STK32B: variants seen among roughly 807,000 people sequenced by gnomAD.
STK32B encodes serine/threonine-protein kinase 32B.
Under a neutral mutation model 52.6 loss-of-function variants are expected in STK32B, and 43 were observed. The observed-to-expected ratio is 0.82, with a 90% CI of 0.64 to 1.05. The LOEUF is 1.05. STK32B is among the 50% of genes least tolerant of loss of function. STK32B has a pLI of 0.00. For missense variants in STK32B, 621 were observed against 534.6 expected (o/e 1.16, Z -1.59); for synonymous variants, 238 against 204.3 (o/e 1.17, Z -1.41).
intron 4 of STK32B, among the ~76,000 whole-genome samples, chr4:5,342,925 T>TTCCTAGAAC (rs1172968034): frequency 6.6e-6 from 1 of 152,224 alleles, no homozygotes; most frequent in Non-Finnish European, 1.5e-5. Flanking sequence ...CCTGAACTGC[T>TTCCTAGAAC]TCCTAGAACT....
intron 11 of STK32B, among the ~76,000 whole-genome samples, chr4:5,487,761 G>A (rs1214443573): frequency 1.6e-4 from 24 of 152,198 alleles, no homozygotes; most frequent in South Asian, 2.1e-4. Flanking sequence ...ATGGAGTCTC[G>A]TTCTGACACC....
At chr4:5,356,050 A>T (rs187907019) in intron 4 of STK32B, among the ~76,000 whole-genome samples, 34 of 152,262 alleles carry the variant, frequency 2.2e-4, no homozygotes, top group Non-Finnish European at 4.4e-4. Flanking sequence ...TTCCATGTCA[A>T]GCACTGAGCA....
chr4:5,353,252 T>C (rs1019885687), intron 4 of STK32B, among the ~76,000 whole-genome samples: 3 of 151,936 alleles, frequency 2.0e-5, no homozygotes, highest in Non-Finnish European at 2.9e-5. Flanking sequence ...AAAAAACAAC[T>C]CAAGGTGGAT....
intron 6 of STK32B, among the ~76,000 whole-genome samples, chr4:5,435,547 C>T (rs1308565508): frequency 6.6e-6 from 1 of 152,218 alleles, no homozygotes; most frequent in African/African-American, 2.4e-5. Flanking sequence ...AGAGCAGATG[C>T]TCCTTAAAGA....
chr4:5,052,327 T>A (rs923647933), intron 1 of STK32B, among the ~76,000 whole-genome samples: 3 of 152,006 alleles, frequency 2.0e-5, no homozygotes, highest in African/African-American at 4.8e-5. Flanking sequence ...ACCGTGTGTC[T>A]GTGTGTGTGT....
intron 3 of STK32B, among the ~76,000 whole-genome samples, chr4:5,300,441 GC>G: frequency 6.6e-6 from 1 of 152,180 alleles, no homozygotes. Context: ...GAGCAATCAG[GC>G]AAGAGAATGA....
intron 4 of STK32B, among the ~76,000 whole-genome samples, chr4:5,353,082 A>G: frequency 6.6e-6 from 1 of 152,170 alleles, no homozygotes. Context: ...GGAAAAAAAT[A>G]GAAAATACAG....
intron 4 of STK32B, among the ~76,000 whole-genome samples, chr4:5,351,975 A>G (rs941545248): frequency 3.3e-5 from 5 of 152,094 alleles, no homozygotes; most frequent in Non-Finnish European, 5.9e-5. Context: ...CTCAAAAAAG[A>G]AAAGTCCAGG....
intron 4 of STK32B, among the ~76,000 whole-genome samples, chr4:5,390,723 G>A (rs1376853576): frequency 1.3e-5 from 2 of 152,078 alleles, no homozygotes; most frequent in African/African-American, 4.8e-5. Context: ...AGACTGGATG[G>A]CTTTAATCAA....
intron 1 of STK32B, among the ~76,000 whole-genome samples, chr4:5,121,368 G>A (rs573888397): frequency 2.7e-4 from 41 of 152,240 alleles, no homozygotes; most frequent in Middle Eastern, 6.8e-3. Flanking sequence ...CAAATTGTAA[G>A]CACTTTACAT....
At chr4:5,068,802 AT>A (rs1329878307) in intron 1 of STK32B, among the ~76,000 whole-genome samples, 2 of 152,218 alleles carry the variant, frequency 1.3e-5, no homozygotes, top group Non-Finnish European at 2.9e-5. Context: ...TAAATAGAAA[AT>A]GAGATAAAAT....
chr4:5,256,011 T>C (rs531130776), intron 3 of STK32B, among the ~76,000 whole-genome samples: 1 of 152,296 alleles, frequency 6.6e-6, no homozygotes, highest in South Asian at 2.1e-4. Flanking sequence ...CCCAAAGTGC[T>C]ATATTGACTA....
chr4:5,284,470 GTTTT>G (rs1054621150), intron 3 of STK32B, among the ~76,000 whole-genome samples: 1 of 151,616 alleles, frequency 6.6e-6, no homozygotes, highest in Non-Finnish European at 1.5e-5. Context: ...GGTTCGTATG[GTTTT>G]TTTTGTCTTA....
At chr4:5,456,946 G>GC in intron 8 of STK32B, 23 bp downstream of exon 8, 1 of 1,489,612 alleles carries the variant, frequency 6.7e-7, no homozygotes, top group Non-Finnish European at 9.0e-7. Context: ...CTTCCAGCCT[G>GC]CCCCGCCAGG....
At chr4:5,295,392 C>A (rs924914225) in intron 3 of STK32B, among the ~76,000 whole-genome samples, 1 of 152,106 alleles carries the variant, frequency 6.6e-6, no homozygotes, top group Non-Finnish European at 1.5e-5. Context: ...GGCTGTGAAT[C>A]TATATGGTCC....
chr4:5,315,476 C>G (rs867660858), intron 3 of STK32B, among the ~76,000 whole-genome samples: 1 of 151,306 alleles, frequency 6.6e-6, no homozygotes, highest in Non-Finnish European at 1.5e-5. Flanking sequence ...AATTAATATG[C>G]ATAAACTCAA....
At chr4:5,179,008 T>G (rs558764632) in intron 3 of STK32B, among the ~76,000 whole-genome samples, 1 of 152,344 alleles carries the variant, frequency 6.6e-6, no homozygotes, top group Admixed American at 6.5e-5. Flanking sequence ...TGTACTGTAT[T>G]CATCAGTTCT....
chr4:5,352,520 C>T (rs1201576024), intron 4 of STK32B, among the ~76,000 whole-genome samples: 1 of 151,722 alleles, frequency 6.6e-6, no homozygotes, highest in African/African-American at 2.4e-5. Flanking sequence ...AATCCTTTCC[C>T]CTAGGAACTG....
intron 5 of STK32B, among the ~76,000 whole-genome samples, chr4:5,402,678 G>T (rs560662606): frequency 6.6e-6 from 1 of 152,320 alleles, no homozygotes; most frequent in East Asian, 1.9e-4. Flanking sequence ...CCTCTTACAG[G>T]ACAGAGTGCT....
Sources: allele counts gnomAD v4.1 joint callset (sites outside exome capture counted in the v4.1 genomes callset), GRCh38; gene constraint gnomAD v4.1.1; transcripts MANE v1.5; gene names NCBI Gene and HGNC (gene_info 2026-07-23, HGNC 2026-07-21).